The following IL1RAPL1 variants were observed in gnomAD, a reference collection of about 807,000 sequenced individuals.
IL1RAPL1 encodes the protein interleukin-1 receptor accessory protein-like 1.
IL1RAPL1 carries 3 observed loss-of-function variants against 48.4 expected under a neutral mutation model. The observed-to-expected ratio is 0.06, with a 90% CI of 0.03 to 0.16. The LOEUF (loss-of-function observed/expected upper bound fraction) is 0.16. IL1RAPL1 is among the 10% of genes least tolerant of loss of function. The pLI is 1.00. For missense variants in IL1RAPL1, 349 were observed against 530.6 expected (o/e 0.66, Z 3.36); for synonymous variants, 185 against 187.7 (o/e 0.99, Z 0.12).
intron 5 of IL1RAPL1, among the ~76,000 whole-genome samples, chrX:29,617,996 TAGGA>T (rs1352027757): frequency 8.9e-6 from 1 of 111,878 alleles, no homozygotes; most frequent in Non-Finnish European, 1.9e-5. Flanking sequence ...ACCCGGAGCC[TAGGA>T]AGAGGCCTTC....
chrX:28,692,846 A>G (rs1335874720), intron 1 of IL1RAPL1, among the ~76,000 whole-genome samples: 1 of 111,644 alleles, frequency 9.0e-6, no homozygotes, highest in Non-Finnish European at 1.9e-5. Context: ...TTGCCTATAT[A>G]TTCTTTTTTT....
chrX:29,195,160 T>C (rs1316267643), intron 2 of IL1RAPL1, among the ~76,000 whole-genome samples: 1 of 112,162 alleles, frequency 8.9e-6, no homozygotes, highest in African/African-American at 3.2e-5. Flanking sequence ...TTCACAGATA[T>C]TTACTGAGTA....
At chrX:29,909,355 C>T (rs770975301) in intron 6 of IL1RAPL1, among the ~76,000 whole-genome samples, 10 of 111,054 alleles carry the variant, frequency 9.0e-5, no homozygotes, top group Admixed American at 8.7e-4. Context: ...TGCTTGAGCT[C>T]GGGAGGTTGA....
intron 2 of IL1RAPL1, among the ~76,000 whole-genome samples, chrX:28,965,409 T>C (rs1924894470): frequency 9.0e-6 from 1 of 111,309 alleles, no homozygotes; most frequent in Non-Finnish European, 1.9e-5. Context: ...GCAACAACAT[T>C]AAAGGTCTGA....
chrX:29,066,772 G>A (rs1927459174), intron 2 of IL1RAPL1, among the ~76,000 whole-genome samples: 1 of 111,980 alleles, frequency 8.9e-6, no homozygotes, highest in Non-Finnish European at 1.9e-5. Flanking sequence ...TGGAGGAGGG[G>A]AGCTCCAATT....
chrX:28,737,206 T>C (rs200557737), intron 1 of IL1RAPL1, among the ~76,000 whole-genome samples: 5 of 10,646 alleles, frequency 4.7e-4, no homozygotes, highest in East Asian at 5.1e-3. Context: ...TCTTTCTTTC[T>C]CTTTCTTTCT....
At chrX:28,633,253 A>T (rs1934421705) in intron 1 of IL1RAPL1, among the ~76,000 whole-genome samples, 1 of 111,133 alleles carries the variant, frequency 9.0e-6, no homozygotes, top group South Asian at 3.8e-4. Context: ...TTATTATGAA[A>T]ATAGTACAGA....
chrX:29,291,315 G>A (rs754296000), intron 3 of IL1RAPL1, among the ~76,000 whole-genome samples: 2 of 112,079 alleles, frequency 1.8e-5, no homozygotes, highest in African/African-American at 3.2e-5. Context: ...ATACAGAGCA[G>A]TCACTGGCCC....
intron 5 of IL1RAPL1, among the ~76,000 whole-genome samples, chrX:29,447,118 T>C (rs1934621039): frequency 9.0e-6 from 1 of 111,298 alleles, no homozygotes; most frequent in Middle Eastern, 4.2e-3. Context: ...TTGTGCATAT[T>C]TGCTATTATG....
intron 5 of IL1RAPL1, among the ~76,000 whole-genome samples, chrX:29,475,196 T>G (rs939151961): frequency 8.9e-6 from 1 of 112,237 alleles, no homozygotes; most frequent in Non-Finnish European, 1.9e-5. Flanking sequence ...CTATTTATAC[T>G]ACACTGCAGG....
chrX:28,592,917 G>A (rs188159443), intron 1 of IL1RAPL1, among the ~76,000 whole-genome samples: 233 of 111,795 alleles, frequency 2.1e-3, no homozygotes, highest in African/African-American at 7.1e-3. Context: ...AAAAATGCAT[G>A]TTCTTTATGT....
chrX:29,147,605 CAG>C (rs1929376593), intron 2 of IL1RAPL1, among the ~76,000 whole-genome samples: 1 of 111,247 alleles, frequency 9.0e-6, no homozygotes, highest in African/African-American at 3.3e-5. Context: ...TCCTGTCTAC[CAG>C]AGAGGGGAAA....
At chrX:29,171,197 A>T (rs1007530803) in intron 2 of IL1RAPL1, among the ~76,000 whole-genome samples, 1 of 111,498 alleles carries the variant, frequency 9.0e-6, no homozygotes, top group African/African-American at 3.3e-5. Flanking sequence ...GGGTTTCACC[A>T]TATTGGTCAG....
At chrX:28,823,535 G>C (rs1314020389) in intron 2 of IL1RAPL1, among the ~76,000 whole-genome samples, 1 of 111,054 alleles carries the variant, frequency 9.0e-6, no homozygotes, top group Admixed American at 9.6e-5. Context: ...ACTGCTGTAA[G>C]CATTATGGCT....
At chrX:29,764,903 C>T (rs943114716) in intron 6 of IL1RAPL1, among the ~76,000 whole-genome samples, 1 of 111,758 alleles carries the variant, frequency 8.9e-6, no homozygotes, top group Non-Finnish European at 1.9e-5. Context: ...AAGAACTCAC[C>T]AGCGTACTGG....
intron 5 of IL1RAPL1, among the ~76,000 whole-genome samples, chrX:29,521,948 G>A (rs1174331962): frequency 9.0e-6 from 1 of 110,857 alleles, no homozygotes; most frequent in Non-Finnish European, 1.9e-5. Flanking sequence ...TGCTTTTACT[G>A]TGGTGTTCCC....
At chrX:29,745,678 C>T (rs941648425) in intron 6 of IL1RAPL1, among the ~76,000 whole-genome samples, 2 of 109,224 alleles carry the variant, frequency 1.8e-5, no homozygotes, top group Non-Finnish European at 1.9e-5. Flanking sequence ...AACTCCTGAC[C>T]GCAGGTGATC....
At chrX:28,986,627 A>G (rs756128224) in intron 2 of IL1RAPL1, among the ~76,000 whole-genome samples, 1 of 112,386 alleles carries the variant, frequency 8.9e-6, no homozygotes, top group Non-Finnish European at 1.9e-5. Context: ...AAATTATAAC[A>G]TACAAGGGAG....
intron 5 of IL1RAPL1, among the ~76,000 whole-genome samples, chrX:29,575,822 C>T (rs936950937): frequency 4.5e-5 from 5 of 111,998 alleles, no homozygotes; most frequent in Non-Finnish European, 9.4e-5. Context: ...TAATGTGGAT[C>T]TGTTTCCTTG....
Sources: allele counts gnomAD v4.1 joint callset (sites outside exome capture counted in the v4.1 genomes callset), GRCh38; gene constraint gnomAD v4.1.1; transcripts MANE v1.5; gene names NCBI Gene and HGNC (gene_info 2026-07-23, HGNC 2026-07-21).